The following TSHZ2 variants were observed in gnomAD, a reference collection of about 807,000 sequenced individuals.
The protein encoded by TSHZ2 is teashirt homolog 2.
A neutral mutation model predicts 74.4 loss-of-function variants in TSHZ2; 21 were observed. The ratio of observed to expected loss-of-function variants is 0.28; its 90% CI spans 0.20 to 0.41. TSHZ2 has a LOEUF of 0.41. Ranked by LOEUF, TSHZ2 falls within the 10% of genes least tolerant of loss-of-function variation. The probability of loss-of-function intolerance (pLI) is 1.00; values close to 1 mark genes in which losing one functional copy is unlikely to be tolerated. For synonymous variants in TSHZ2, 540 were observed against 515.3 expected, an observed-to-expected ratio of 1.05 and a Z score of -0.65; for missense variants, 1,244 against 1,293.5, an observed-to-expected ratio of 0.96 and a Z score of 0.59.
intron 1 of TSHZ2, among the ~76,000 whole-genome samples, chr20:53,165,464 A>C (rs1458369386): frequency 6.6e-6 from 1 of 152,178 alleles, no homozygotes; most frequent in Non-Finnish European, 1.5e-5. Flanking sequence ...GGCGATTGAA[A>C]ATTTTCTCCT....
intron 1 of TSHZ2, among the ~76,000 whole-genome samples, chr20:52,998,606 A>C (rs1173974523): frequency 6.6e-6 from 1 of 152,168 alleles, no homozygotes; most frequent in South Asian, 2.1e-4. Context: ...GCCTGAAAGC[A>C]CCATATACCT....
chr20:53,328,684 G>T (rs1232099118), intron 2 of TSHZ2, among the ~76,000 whole-genome samples: 1 of 152,120 alleles, frequency 6.6e-6, no homozygotes, highest in Non-Finnish European at 1.5e-5. Flanking sequence ...CTTTTTCCCA[G>T]TGGTTGCCAG....
At chr20:53,337,666 G>C (rs75776705) in intron 2 of TSHZ2, among the ~76,000 whole-genome samples, 2 of 152,160 alleles carry the variant, frequency 1.3e-5, no homozygotes, top group African/African-American at 4.8e-5. Context: ...GCTCAGATTC[G>C]ATTCTTGTTA....
intron 1 of TSHZ2, among the ~76,000 whole-genome samples, chr20:53,224,252 C>T (rs1038871769): frequency 6.6e-6 from 1 of 152,058 alleles, no homozygotes; most frequent in Non-Finnish European, 1.5e-5. Flanking sequence ...CAGCAAAGAA[C>T]AGTAAAGGGG....
chr20:53,313,702 T>G (rs2145505852), intron 2 of TSHZ2, among the ~76,000 whole-genome samples: 1 of 152,362 alleles, frequency 6.6e-6, no homozygotes, highest in South Asian at 2.1e-4. Flanking sequence ...ATTCTTGTAC[T>G]TTGTTAACCT....
At chr20:53,396,087 C>T (rs775733739) in intron 2 of TSHZ2, among the ~76,000 whole-genome samples, 3 of 152,108 alleles carry the variant, frequency 2.0e-5, no homozygotes, top group African/African-American at 7.2e-5. Context: ...AGGCGCCTGC[C>T]ACCACGCCTG....
chr20:53,342,996 T>G (rs1980279125), intron 2 of TSHZ2, among the ~76,000 whole-genome samples: 1 of 117,966 alleles, frequency 8.5e-6, no homozygotes, highest in Non-Finnish European at 1.7e-5. Flanking sequence ...AGACCAAGTC[T>G]CACCCCGTCA....
At chr20:53,251,147 T>A (rs1470753961) in intron 1 of TSHZ2, among the ~76,000 whole-genome samples, 3 of 152,198 alleles carry the variant, frequency 2.0e-5, no homozygotes, top group Non-Finnish European at 4.4e-5. Flanking sequence ...CTTGCTTCTT[T>A]GTTGCTGTGA....
intron 1 of TSHZ2, among the ~76,000 whole-genome samples, chr20:53,049,992 G>T (rs1023245932): frequency 1.3e-5 from 2 of 150,890 alleles, no homozygotes; most frequent in African/African-American, 2.4e-5. Flanking sequence ...TGAGGCAAGA[G>T]AATTGCTTGA....
intron 2 of TSHZ2, among the ~76,000 whole-genome samples, chr20:53,322,348 A>C (rs928777818): frequency 6.6e-6 from 1 of 152,032 alleles, no homozygotes; most frequent in African/African-American, 2.4e-5. Flanking sequence ...CCCCATCTCT[A>C]CCAAAAATAG....
rs1390283827 is a variant in TSHZ2 at position 53,254,720 on chromosome 20, T to C, written c.1262T>C (p.Leu421Ser). 6.2e-7 allele frequency: 1 copy of C among 1,614,156 alleles called. No homozygotes were observed. The highest frequency in any genetic ancestry group is 8.5e-7 in the Non-Finnish European group (1 of 1,179,988). The change falls in exon 2 of 3, where the codon TTA becomes TCA. Residue 421 changes from leucine to serine, a missense_variant. Around this residue, in one of 6 missense-constraint regions of TSHZ2, gnomAD observed 562 missense variants for 544.0 expected, o/e 1.03. Coordinates refer to ENST00000371497, the MANE Select transcript of TSHZ2 (RefSeq NM_173485.6). ...SASKKGKQLVLDPLAVEKMQS... is the reference protein window; with the variant it reads ...SASKKGKQLVSDPLAVEKMQS... ...TCCAAGAAAGGGAAGCAGCTGGTAT[T>C]AGACCCGTTAGCAGTGGAGAAAATG...
intron 2 of TSHZ2, among the ~76,000 whole-genome samples, chr20:53,415,528 C>A (rs4811433): frequency 1 from 152,082 of 152,086 alleles, 76,039 homozygotes; most frequent in Middle Eastern, 1. Context: ...AGGCCTCCCA[C>A]CTAGCACACT....
At chr20:53,048,827 C>T (rs1489324281) in intron 1 of TSHZ2, among the ~76,000 whole-genome samples, 1 of 152,180 alleles carries the variant, frequency 6.6e-6, no homozygotes, top group African/African-American at 2.4e-5. Context: ...CCTCCAGCCA[C>T]CCACTGGGCT....
chr20:53,236,239 G>T (rs186582167), intron 1 of TSHZ2, among the ~76,000 whole-genome samples: 63 of 152,252 alleles, frequency 4.1e-4, no homozygotes, highest in African/African-American at 1.5e-3. Flanking sequence ...TATTTACAAA[G>T]GTTAAGTCTT....
chr20:53,334,230 AAG>A (rs1261540935), intron 2 of TSHZ2, among the ~76,000 whole-genome samples: 1 of 152,210 alleles, frequency 6.6e-6, no homozygotes, highest in African/African-American at 2.4e-5. Flanking sequence ...GAGAAAAATA[AAG>A]AGAGAAAAAA....
chr20:53,063,778 G>A (rs1268354070), intron 1 of TSHZ2, among the ~76,000 whole-genome samples: 6 of 152,186 alleles, frequency 3.9e-5, no homozygotes, highest in East Asian at 3.8e-4. Context: ...GTCAGCAACC[G>A]AATATTTGGC....
At chr20:53,328,953 T>C (rs1447930320) in intron 2 of TSHZ2, among the ~76,000 whole-genome samples, 2 of 152,218 alleles carry the variant, frequency 1.3e-5, no homozygotes, top group Non-Finnish European at 1.5e-5. Flanking sequence ...GAATCAGCAA[T>C]TAAATACATC....
intron 1 of TSHZ2, among the ~76,000 whole-genome samples, chr20:53,005,644 C>T (rs1213966447): frequency 6.6e-6 from 1 of 152,152 alleles, no homozygotes; most frequent in African/African-American, 2.4e-5. Context: ...CTAGGCAAGG[C>T]CCTGGAGAGG....
chr20:53,351,193 A>G (rs939249235), intron 2 of TSHZ2, among the ~76,000 whole-genome samples: 2 of 152,210 alleles, frequency 1.3e-5, no homozygotes, highest in Middle Eastern at 3.2e-3. Context: ...CTGAAATATA[A>G]AATAGTCATT....
Sources: allele counts gnomAD v4.1 joint callset (sites outside exome capture counted in the v4.1 genomes callset), GRCh38; gene constraint gnomAD v4.1.1; regional missense constraint gnomAD v4.1.1; transcripts MANE v1.5; gene names NCBI Gene and HGNC (gene_info 2026-07-23, HGNC 2026-07-21).